The following PTK2 variants were observed in gnomAD, a reference collection of about 807,000 sequenced individuals.
The protein encoded by PTK2 is focal adhesion kinase 1.
In PTK2, 45 loss-of-function variants were observed where a neutral mutation model predicts 150.1. That is an observed-to-expected ratio of 0.30 (90% CI 0.24 to 0.38). The LOEUF is 0.38. PTK2 is among the 10% of genes least tolerant of loss of function. The pLI is 1.00. For missense variants in PTK2, 919 were observed against 1,307.3 expected (o/e 0.70, Z 4.58); for synonymous variants, 432 against 449.2 (o/e 0.96, Z 0.48).
intron 7 of PTK2, among the ~76,000 whole-genome samples, chr8:140,837,665 G>A (rs1246125868): frequency 2.0e-5 from 3 of 152,150 alleles, no homozygotes; most frequent in Admixed American, 1.3e-4. Flanking sequence ...GGAGGTGGAG[G>A]TTACACTGGG....
intron 1 of PTK2, among the ~76,000 whole-genome samples, chr8:140,930,949 C>G (rs1247318516): frequency 6.6e-6 from 1 of 151,852 alleles, no homozygotes; most frequent in African/African-American, 2.4e-5. Context: ...TGGCATACAC[C>G]TGTAACTCCA....
intron 1 of PTK2, among the ~76,000 whole-genome samples, chr8:140,991,735 A>G (rs559341452): frequency 2.0e-4 from 31 of 152,318 alleles, no homozygotes; most frequent in Non-Finnish European, 3.7e-4. Context: ...GAGGCCAGGC[A>G]TGGTGGCTCA....
intron 2 of PTK2, among the ~76,000 whole-genome samples, chr8:140,915,033 CAAAAAAAAAAAA>C (rs10661609): frequency 5.7e-5 from 3 of 53,088 alleles, no homozygotes; most frequent in Non-Finnish European, 1.0e-4. Context: ...AACTCCAACT[CAAAAAAAAAAAA>C]AAAAAAAAAA....
intron 5 of PTK2, among the ~76,000 whole-genome samples, chr8:140,848,471 A>G (rs370242824): frequency 2.1e-5 from 3 of 145,216 alleles, no homozygotes; most frequent in African/African-American, 7.6e-5. Context: ...ACGAATGAAC[A>G]AACAGTCATC....
At chr8:140,979,364 T>C (rs909154259) in intron 1 of PTK2, among the ~76,000 whole-genome samples, 5 of 143,110 alleles carry the variant, frequency 3.5e-5, no homozygotes, top group African/African-American at 1.3e-4. Flanking sequence ...TGATAAAGGA[T>C]TGCAATCCAC....
chr8:140,668,198 C>A, intron 30 of PTK2, 71 bp downstream of exon 34: 1 of 1,576,940 alleles, frequency 6.3e-7, no homozygotes, highest in East Asian at 2.2e-5. Flanking sequence ...CTAGAGACAT[C>A]TATCAACTGG....
intron 3 of PTK2, among the ~76,000 whole-genome samples, chr8:140,884,257 T>C (rs1046486904): frequency 6.6e-6 from 1 of 152,186 alleles, no homozygotes; most frequent in Non-Finnish European, 1.5e-5. Flanking sequence ...GGATTTTGAA[T>C]TCAAAATTTT....
intron 24 of PTK2, among the ~76,000 whole-genome samples, chr8:140,704,430 C>A (rs1453081479): frequency 6.6e-6 from 1 of 152,240 alleles, no homozygotes; most frequent in African/African-American, 2.4e-5. Context: ...GGGGCTTCCA[C>A]TGCACTGGTG....
At chr8:140,749,741 T>C (rs910506804) in intron 17 of PTK2, among the ~76,000 whole-genome samples, 1 of 152,216 alleles carries the variant, frequency 6.6e-6, no homozygotes, top group African/African-American at 2.4e-5. Context: ...CCATATTTTT[T>C]CTCTTATATA....
At chr8:140,703,256 C>T (rs1054247277) in intron 24 of PTK2, among the ~76,000 whole-genome samples, 2 of 151,632 alleles carry the variant, frequency 1.3e-5, no homozygotes, top group Admixed American at 6.6e-5. Flanking sequence ...GAGAGAGACT[C>T]CGTCTCAAAA....
chr8:140,847,131 G>C (rs1392993351), intron 5 of PTK2, among the ~76,000 whole-genome samples: 1 of 152,122 alleles, frequency 6.6e-6, no homozygotes, highest in African/African-American at 2.4e-5. Flanking sequence ...AACAAGAAGG[G>C]AAATTTCCAT....
At chr8:140,674,222 T>C (rs754518367) in intron 29 of PTK2, 76 bp downstream of exon 32, 3 of 1,380,832 alleles carry the variant, frequency 2.2e-6, no homozygotes, top group Non-Finnish European at 3.1e-6. Flanking sequence ...CTCTATGACA[T>C]GAACACATCA....
At chr8:140,987,518 A>C (rs2100193747) in intron 1 of PTK2, among the ~76,000 whole-genome samples, 1 of 152,352 alleles carries the variant, frequency 6.6e-6, no homozygotes, top group African/African-American at 2.4e-5. Context: ...AAACACAGAG[A>C]TATGCGGATG....
intron 10 of PTK2, among the ~76,000 whole-genome samples, chr8:140,815,455 C>G (rs1159781950): frequency 3.3e-5 from 5 of 152,052 alleles, no homozygotes. Context: ...GGAAAAATAA[C>G]TAATCAGTAC....
At chr8:140,918,421 T>C (rs906605663) in intron 2 of PTK2, among the ~76,000 whole-genome samples, 1 of 152,248 alleles carries the variant, frequency 6.6e-6, no homozygotes, top group Admixed American at 6.5e-5. Flanking sequence ...TTGATAGTCT[T>C]GCAACCTAAA....
At chr8:140,980,129 C>A (rs1357839880) in intron 1 of PTK2, among the ~76,000 whole-genome samples, 1 of 152,188 alleles carries the variant, frequency 6.6e-6, no homozygotes, top group East Asian at 1.9e-4. Context: ...TAAGAGTGTT[C>A]ACATTTGTGT....
chr8:140,978,262 A>T (rs1410404159), intron 1 of PTK2, among the ~76,000 whole-genome samples: 1 of 152,270 alleles, frequency 6.6e-6, no homozygotes, highest in African/African-American at 2.4e-5. Context: ...GACAAATGGG[A>T]TCTAATTAAA....
intron 26 of PTK2, among the ~76,000 whole-genome samples, chr8:140,698,329 G>A (rs2100028093): frequency 6.6e-6 from 1 of 152,154 alleles, no homozygotes; most frequent in East Asian, 1.9e-4. Flanking sequence ...AATTCTGTCT[G>A]GTAAAAGAGG....
intron 8 of PTK2, among the ~76,000 whole-genome samples, chr8:140,824,051 T>C (rs1477298216): frequency 1.3e-5 from 2 of 152,192 alleles, no homozygotes; most frequent in Non-Finnish European, 2.9e-5. Context: ...ACAACAGGGA[T>C]TGAAGCCATC....
Sources: gnomAD v4.1 joint callset for allele counts (sites outside exome capture counted in the v4.1 genomes callset) on GRCh38, gnomAD v4.1.1 for gene constraint, MANE v1.5 for transcripts, NCBI Gene and HGNC (gene_info 2026-07-23, HGNC 2026-07-21) for gene names.